FMN2: variants seen among roughly 807,000 people sequenced by gnomAD.
The protein encoded by FMN2 is formin-2.
Under a neutral mutation model 142.3 loss-of-function variants are expected in FMN2, and 51 were observed. That is an observed-to-expected ratio of 0.36 (90% CI 0.29 to 0.45). The LOEUF is 0.45. FMN2 is among the 20% of genes least tolerant of loss of function. The probability of loss-of-function intolerance (pLI) is 1.00; values close to 1 mark genes in which losing one functional copy is unlikely to be tolerated. For missense variants in FMN2, 1,936 were observed against 2,122.8 expected (o/e 0.91, Z 1.73); for synonymous variants, 882 against 869.8 (o/e 1.01, Z -0.25).
rs147131179 is a variant in FMN2, at chr1:240,288,877, G to A, written c.4154-5945G>A. Among the ~76,000 whole-genome samples, 52 of 152,224 alleles carry A rather than the reference G, an allele frequency of 3.4e-4. No homozygotes were observed. The East Asian group carries it at 9.9e-3, about 29-fold the overall frequency. ...AGGAACTGAATCCTGCCAACAGCCTGTGAGTAAGGCTGGAAACAGATCTTC... is the reference window on the plus strand; with the variant it reads ...AGGAACTGAATCCTGCCAACAGCCTATGAGTAAGGCTGGAAACAGATCTTC... On this transcript the variant is annotated intron_variant, in intron 7 of 17. Coordinates refer to ENST00000319653, the MANE Select transcript of FMN2 (RefSeq NM_020066.5).
intron 2 of FMN2, among the ~76,000 whole-genome samples, chr1:240,157,554 T>C (rs1308207647): frequency 6.6e-6 from 1 of 150,896 alleles, no homozygotes; most frequent in African/African-American, 2.5e-5. Flanking sequence ...CTTTTTTAAT[T>C]TAGAAGGGAA....
chr1:240,168,527 T>C (rs1664573125), intron 2 of FMN2, among the ~76,000 whole-genome samples: 3 of 152,320 alleles, frequency 2.0e-5, no homozygotes, highest in African/African-American at 7.2e-5. Context: ...AATTGAAGGC[T>C]ACAGTGACCT....
At chr1:240,300,311 A>G (rs1670152253) in intron 8 of FMN2, among the ~76,000 whole-genome samples, 1 of 152,228 alleles carries the variant, frequency 6.6e-6, no homozygotes, top group Non-Finnish European at 1.5e-5. Flanking sequence ...TGTTGAATGA[A>G]TGAACCCTTT....
At chr1:240,383,100 A>G (rs1481860375) in intron 14 of FMN2, among the ~76,000 whole-genome samples, 1 of 152,220 alleles carries the variant, frequency 6.6e-6, no homozygotes, top group Non-Finnish European at 1.5e-5. Context: ...CTCACCATAT[A>G]CAAAATTTTA....
intron 6 of FMN2, among the ~76,000 whole-genome samples, chr1:240,220,892 G>T (rs928715844): frequency 6.6e-6 from 1 of 151,640 alleles, no homozygotes; most frequent in Non-Finnish European, 1.5e-5. Flanking sequence ...GACAGGCCCC[G>T]GTGTGTGATG....
At chr1:240,339,339 AT>A (rs56380168) in intron 13 of FMN2, among the ~76,000 whole-genome samples, 23,358 of 151,308 alleles carry the variant, frequency 0.15, 2,861 homozygotes, top group African/African-American at 0.34. Flanking sequence ...CTATTTTATT[AT>A]TTTTTTTTAA....
In FMN2 at chr1:240,327,049, C is replaced by T. The variant is rs1231875315; in HGVS notation, c.4216-2027C>T. Among the ~76,000 whole-genome samples the T allele has an allele frequency of 5.9e-5, 9 of 152,088 alleles. No individual in the cohort carries two copies. The South Asian group carries it at 6.2e-4, about 10-fold the overall frequency. On this transcript the variant is annotated intron_variant, in intron 8 of 17. Coordinates refer to ENST00000319653, the MANE Select transcript of FMN2 (RefSeq NM_020066.5). The stretch of plus-strand genomic sequence containing the variant: ...GAGGCTGACTCTCATAGGTAACTGA[C>T]GAATGAAGTAGTATTTGCTCAAGTA...
chr1:240,168,521 G>GA (rs1664572800), intron 2 of FMN2, among the ~76,000 whole-genome samples: 1 of 152,132 alleles, frequency 6.6e-6, no homozygotes, highest in African/African-American at 2.4e-5. Context: ...CTCAGGAATT[G>GA]AAGGCTACAG....
At chr1:240,434,649 C>T (rs1374528124) in intron 15 of FMN2, among the ~76,000 whole-genome samples, 1 of 151,530 alleles carries the variant, frequency 6.6e-6, no homozygotes, top group East Asian at 1.9e-4. Flanking sequence ...GCAAGCTCCG[C>T]CTCCCGGGTT....
At chr1:240,147,973 T>A (rs1364848425) in intron 2 of FMN2, among the ~76,000 whole-genome samples, 3 of 152,212 alleles carry the variant, frequency 2.0e-5, no homozygotes, top group Non-Finnish European at 4.4e-5. Context: ...AGTTGCTACT[T>A]CGCCATGGAA....
intron 1 of FMN2, among the ~76,000 whole-genome samples, chr1:240,108,035 A>G (rs1661679526): frequency 6.6e-6 from 1 of 152,190 alleles, no homozygotes. Context: ...TTGAAGACTA[A>G]GAGGATCTTC....
intron 4 of FMN2, among the ~76,000 whole-genome samples, chr1:240,190,894 A>C (rs1006354460): frequency 6.6e-6 from 1 of 152,220 alleles, no homozygotes; most frequent in Non-Finnish European, 1.5e-5. Context: ...TAATTTTACT[A>C]ACTTTAGTGC....
chr1:240,390,429 A>T (rs966402131), intron 14 of FMN2, among the ~76,000 whole-genome samples: 1 of 152,232 alleles, frequency 6.6e-6, no homozygotes, highest in Non-Finnish European at 1.5e-5. Context: ...GCAACTAAGC[A>T]ACAGCTGTTT....
At chr1:240,277,139 G>A (rs1054308286) in intron 7 of FMN2, among the ~76,000 whole-genome samples, 30 of 152,100 alleles carry the variant, frequency 2.0e-4, no homozygotes, top group Admixed American at 5.9e-4. Flanking sequence ...TTTAATAAAC[G>A]TAAAATACTG....
intron 16 of FMN2, among the ~76,000 whole-genome samples, chr1:240,447,128 TGACA>T (rs1459031869): frequency 1.3e-5 from 2 of 152,148 alleles, no homozygotes; most frequent in Non-Finnish European, 2.9e-5. Context: ...TTATTTTATT[TGACA>T]GACAGCAATT....
At chr1:240,345,419 T>C (rs982271499) in intron 13 of FMN2, among the ~76,000 whole-genome samples, 1 of 152,166 alleles carries the variant, frequency 6.6e-6, no homozygotes, top group East Asian at 1.9e-4. Flanking sequence ...ACACTGATGA[T>C]AGAAATGAAA....
chr1:240,187,924 T>C (rs938709402), intron 3 of FMN2, among the ~76,000 whole-genome samples: 1 of 152,168 alleles, frequency 6.6e-6, no homozygotes, highest in Admixed American at 6.5e-5. Context: ...TCTGGCACAA[T>C]TTAGAAACTA....
intron 2 of FMN2, chr1:240,170,192 G>T (rs1398762836): frequency 2.5e-6 from 3 of 1,206,522 alleles, no homozygotes; most frequent in Non-Finnish European, 3.6e-6. Flanking sequence ...GTTATCAAGT[G>T]CAAGGCTGCA....
At chr1:240,409,498 A>G (rs1674326461) in intron 15 of FMN2, among the ~76,000 whole-genome samples, 2 of 152,164 alleles carry the variant, frequency 1.3e-5, no homozygotes, top group Admixed American at 1.3e-4. Context: ...TGCATAAGAC[A>G]TTTTGCATTT....
Sources: gnomAD v4.1 joint callset for allele counts (sites outside exome capture counted in the v4.1 genomes callset) on GRCh38, gnomAD v4.1.1 for gene constraint, MANE v1.5 for transcripts, NCBI Gene and HGNC (gene_info 2026-07-23, HGNC 2026-07-21) for gene names.